The following COL28A1 variants were observed in gnomAD, a reference collection of about 807,000 sequenced individuals.
The protein encoded by COL28A1 is collagen type XXVIII alpha 1 chain, also known as collagen alpha-1(XXVIII) chain.
Under a neutral mutation model 150.2 loss-of-function variants are expected in COL28A1, and 161 were observed. That is an observed-to-expected ratio of 1.07 (90% CI 0.94 to 1.22). COL28A1 has a LOEUF of 1.22. COL28A1 is among the 50% of genes most tolerant of loss of function. The pLI is 0.00. For missense variants in COL28A1, 1,617 were observed against 1,388.3 expected, an observed-to-expected ratio of 1.16 and a Z score of -2.62; for synonymous variants, 552 against 469.7, an observed-to-expected ratio of 1.18 and a Z score of -2.26.
Position 7,432,541 on chromosome 7 carries a change from C to G in COL28A1, c.1930G>C (p.Gly644Arg), listed in dbSNP as rs1785044024. 5 of 1,613,844 alleles carry G rather than the reference C, an allele frequency of 3.1e-6. No homozygotes were observed. Among genetic ancestry groups the G allele is most frequent in the Middle Eastern group, 1.6e-4 (1 of 6,084 alleles). ...LKGDGYPGVP[G>R]PRGLPGPPGP... ...GGGGGTCCTGGTAATCCACGAGGTC[C>G]CTGAGATGACACAGTAAGGGAGGGA... is the stretch of plus-strand genomic sequence containing the variant. Residue 644 changes from glycine (G) to arginine (R), a missense_variant and splice_region_variant, in exon 25 of 35, where the codon GGA becomes CGA. Transcript: ENST00000399429.
intron 11 of COL28A1, among the ~76,000 whole-genome samples, chr7:7,501,435 C>T (rs559886726): frequency 8.5e-5 from 13 of 152,248 alleles, no homozygotes; most frequent in African/African-American, 2.6e-4. Flanking sequence ...TTCCTGCACA[C>T]GCCACTGTGC....
At chr7:7,452,233 G>C (rs1786751736) in intron 18 of COL28A1, 86 bp downstream of exon 18, 4 of 1,544,672 alleles carry the variant, frequency 2.6e-6, no homozygotes, top group South Asian at 1.3e-5. Context: ...AACACACACA[G>C]AGTCTGTAAG....
intron 25 of COL28A1, among the ~76,000 whole-genome samples, chr7:7,424,885 C>T (rs186531545): frequency 7.2e-5 from 11 of 152,200 alleles, no homozygotes; most frequent in Non-Finnish European, 1.3e-4. Flanking sequence ...GTGAAGACCA[C>T]CTAGACCATA....
chr7:7,437,408 GT>G lies in COL28A1; in HGVS notation c.1776del (p.Pro593HisfsTer91). On this transcript the variant is annotated frameshift_variant, in exon 22 of 35. Transcript: ENST00000399429. LOFTEE classifies it high-confidence loss of function. ...AGAATATATACCTTTGGCCCAGGTG[GT>G]CCAGGAATTGATGTTCCAGGCATTC... ...PFGMPGTSIP[G>X]PPGPKGDRGG... 3 of 1,613,372 alleles carry G rather than the reference GT, an allele frequency of 1.9e-6. No individual in the cohort carries two copies. Among genetic ancestry groups the G allele is most frequent in the Non-Finnish European group, 2.5e-6 (3 of 1,179,772 alleles).
At chr7:7,542,030 C>CAA in the COL28A1 span, among the ~76,000 whole-genome samples, 261 of 152,158 alleles carry the variant, frequency 1.7e-3, 1 homozygote, top group African/African-American at 5.9e-3. Flanking sequence ...CCAGTGTCTG[C>CAA]AACTTACTTT....
intron 25 of COL28A1, among the ~76,000 whole-genome samples, chr7:7,426,186 A>G (rs2128311168): frequency 6.6e-6 from 1 of 152,356 alleles, no homozygotes; most frequent in East Asian, 1.9e-4. Context: ...CTGCTAAATG[A>G]TGAAACTGAG....
intron 11 of COL28A1, among the ~76,000 whole-genome samples, chr7:7,491,220 C>T (rs930619963): frequency 1.3e-5 from 2 of 152,132 alleles, no homozygotes; most frequent in Admixed American, 6.6e-5. Context: ...GATCATTGGC[C>T]TAATGCAAGA....
At chr7:7,344,016 T>A in the COL28A1 span, among the ~76,000 whole-genome samples, 2,216 of 146,300 alleles carry the variant, frequency 0.015, 48 homozygotes, top group African/African-American at 0.052. Flanking sequence ...AAAATAAAAA[T>A]AAAAAAAAAA....
In COL28A1 at chr7:7,429,471, T is replaced by TGG. The variant is rs199525347; in HGVS notation, c.1998+3001_1998+3002insCC. On this transcript the variant is annotated intron_variant, in intron 25 of 34. Coordinates refer to ENST00000399429, the MANE Select transcript of COL28A1 (RefSeq NM_001037763.3). The stretch of plus-strand genomic sequence containing the variant: ...TTTCTCTCTGTGCTCTGTGTGTGTG[T>TGG]GTGGGGGGGGGGATGGTGTGTGTGT... 1.2e-3 allele frequency among the ~76,000 whole-genome samples: 150 copies of TGG among 120,506 alleles called. 2 individuals are homozygous for TGG. Among genetic ancestry groups the TGG allele is most frequent in the African/African-American group, 5.6e-3 (140 of 24,930 alleles). 79.1% of individuals were successfully genotyped at this position (120,506 alleles called of 152,430 possible).
intron 27 of COL28A1, among the ~76,000 whole-genome samples, chr7:7,416,455 G>A (rs1004865298): frequency 6.6e-6 from 1 of 152,228 alleles, no homozygotes; most frequent in African/African-American, 2.4e-5. Context: ...CTAACAGCAT[G>A]TGTGAACTGA....
intron 11 of COL28A1, among the ~76,000 whole-genome samples, chr7:7,500,678 G>A (rs1182229701): frequency 3.9e-5 from 6 of 152,168 alleles, no homozygotes; most frequent in Admixed American, 3.3e-4. Flanking sequence ...ACACTTTGAA[G>A]AAAACAGGAT....
At chr7:7,399,635 T>C (rs1344565215) in intron 27 of COL28A1, among the ~76,000 whole-genome samples, 1 of 141,206 alleles carries the variant, frequency 7.1e-6, no homozygotes, top group African/African-American at 3.1e-5. Context: ...GAGTTCAATA[T>C]GGAAAAGAAA....
chr7:7,482,201 G>T (rs1300077293), intron 13 of COL28A1, among the ~76,000 whole-genome samples: 1 of 152,160 alleles, frequency 6.6e-6, no homozygotes, highest in Non-Finnish European at 1.5e-5. Flanking sequence ...CCTAAGATAA[G>T]TCTTTACCTT....
At chr7:7,341,849 CCAGTATA>C in the COL28A1 span, among the ~76,000 whole-genome samples, 15 of 151,922 alleles carry the variant, frequency 9.9e-5, no homozygotes, top group Admixed American at 9.8e-4. Flanking sequence ...TTTTTATGGA[CCAGTATA>C]TGGTCCATAA....
At chr7:7,410,246 A>G (rs1783706330) in intron 27 of COL28A1, among the ~76,000 whole-genome samples, 2 of 152,154 alleles carry the variant, frequency 1.3e-5, no homozygotes, top group South Asian at 4.1e-4. Context: ...AATTGTTTAC[A>G]ATTTGGTTTT....
intron 11 of COL28A1, among the ~76,000 whole-genome samples, chr7:7,502,001 C>T (rs367928863): frequency 6.6e-6 from 1 of 152,140 alleles, no homozygotes; most frequent in Non-Finnish European, 1.5e-5. Context: ...GTTCAGGCAA[C>T]GCTCTGCCTC....
intron 13 of COL28A1, 32 bp downstream of exon 13, chr7:7,489,356 CT>C: frequency 1.1e-6 from 1 of 925,858 alleles, no homozygotes; most frequent in Non-Finnish European, 1.8e-6. Context: ...TATATTTGTC[CT>C]TTTCATTCCA....
intron 10 of COL28A1, 82 bp downstream of exon 10, chr7:7,507,035 G>T: frequency 1.4e-6 from 1 of 740,676 alleles, no homozygotes; most frequent in Non-Finnish European, 2.4e-6. Flanking sequence ...AACTGGCAGA[G>T]GGTGCAAGTG....
chr7:7,505,139 C>G (rs993236547), intron 11 of COL28A1, among the ~76,000 whole-genome samples: 1 of 152,170 alleles, frequency 6.6e-6, no homozygotes, highest in Non-Finnish European at 1.5e-5. Flanking sequence ...CTGTCATTAT[C>G]TCATTAAAAA....
Sources: gnomAD v4.1 joint callset for allele counts (sites outside exome capture counted in the v4.1 genomes callset) on GRCh38, gnomAD v4.1.1 for gene constraint, MANE v1.5 for transcripts, NCBI Gene and HGNC (gene_info 2026-07-23, HGNC 2026-07-21) for gene names.